The following EFCAB6 variants were observed in gnomAD, a reference collection of about 807,000 sequenced individuals.
EFCAB6 encodes the protein EF-hand calcium-binding domain-containing protein 6.
Under a neutral mutation model 169.8 loss-of-function variants are expected in EFCAB6, and 156 were observed. That is an observed-to-expected ratio of 0.92 (90% CI 0.81 to 1.05). The LOEUF is 1.05. EFCAB6 is among the 50% of genes least tolerant of loss of function. The pLI, the probability that EFCAB6 is intolerant of heterozygous loss-of-function variation, is 0.00. For synonymous variants in EFCAB6, 698 were observed against 676.4 expected, an observed-to-expected ratio of 1.03 and a Z score of -0.50; for missense variants, 1,800 against 1,829.1, an observed-to-expected ratio of 0.98 and a Z score of 0.29.
At chr22:43,749,519 T>A (rs1161869586) in intron 6 of EFCAB6, among the ~76,000 whole-genome samples, 1 of 152,066 alleles carries the variant, frequency 6.6e-6, no homozygotes, top group African/African-American at 2.4e-5. Flanking sequence ...ACTAGTTAGA[T>A]GGTTCTCATA....
In EFCAB6 at chr22:43,635,165, T is replaced by C. The variant is rs2055292986; in HGVS notation, c.2035A>G (p.Thr679Ala). Residue 679 changes from threonine (T) to alanine (A), a missense_variant, in exon 18 of 32, where the codon ACC (threonine) becomes GCC (alanine). Physicochemically the swap from Thr to Ala is moderately conservative, Grantham distance 58. Transcript: ENST00000262726. ...PMDDDQYALL[T>A]TKIGFEKEGM... ...TCCTTCTCGAAGCCTATTTTAGTGGTCAGCAGGGCATACTGATCATCGTCC... is the reference window on the plus strand; with the variant it reads ...TCCTTCTCGAAGCCTATTTTAGTGGCCAGCAGGGCATACTGATCATCGTCC... The C allele has an allele frequency of 8.1e-6, 13 of 1,613,946 alleles. No individual in the cohort carries two copies. Among genetic ancestry groups the C allele is most frequent in the Non-Finnish European group, 7.6e-6 (9 of 1,180,022 alleles).
At chr22:43,622,440 C>T (rs548440111) in intron 20 of EFCAB6, among the ~76,000 whole-genome samples, 135 of 152,146 alleles carry the variant, frequency 8.9e-4, no homozygotes, top group African/African-American at 3.0e-3. Flanking sequence ...GTGGTGTGCA[C>T]CTGTAGTTCC....
intron 19 of EFCAB6, 132 bp downstream of exon 19, chr22:43,631,973 G>A: frequency 7.5e-7 from 1 of 1,330,252 alleles, no homozygotes; most frequent in Non-Finnish European, 1.0e-6. Flanking sequence ...TGCTGGGTCT[G>A]CAGAGGGAAA....
At chr22:43,661,059 C>T (rs1438064694) in intron 17 of EFCAB6, among the ~76,000 whole-genome samples, 1 of 152,130 alleles carries the variant, frequency 6.6e-6, no homozygotes, top group South Asian at 2.1e-4. Context: ...TTGATATTTA[C>T]GTTAAATAAC....
chr22:43,696,971 C>T (rs567719407), intron 10 of EFCAB6, among the ~76,000 whole-genome samples: 73 of 152,136 alleles, frequency 4.8e-4, no homozygotes, highest in Middle Eastern at 3.4e-3. Context: ...AATTTTTAGA[C>T]ATAGAAAATG....
chr22:43,631,583 T>C (rs1160327729), intron 19 of EFCAB6, among the ~76,000 whole-genome samples: 1 of 151,980 alleles, frequency 6.6e-6, no homozygotes, highest in Non-Finnish European at 1.5e-5. Flanking sequence ...ATCTTTTCCT[T>C]GTGCCTCCAG....
intron 26 of EFCAB6, among the ~76,000 whole-genome samples, chr22:43,571,463 A>G (rs950372621): frequency 2.0e-5 from 3 of 152,198 alleles, no homozygotes; most frequent in Non-Finnish European, 4.4e-5. Context: ...CTTAAGGATG[A>G]TGCATTAACT....
chr22:43,554,462 C>T (rs79876709), intron 27 of EFCAB6: 2,805 of 178,720 alleles, frequency 0.016, 42 homozygotes, highest in Middle Eastern at 0.031. Flanking sequence ...TATTTTCATA[C>T]TTTTTCTAAT....
In EFCAB6 at chr22:43,766,316, AGCCACCACACCTGG is replaced by A. The variant is rs367550909; in HGVS notation, c.352-937_352-924del. On this transcript the variant is annotated intron_variant, in intron 4 of 31. Coordinates refer to ENST00000262726, the MANE Select transcript of EFCAB6 (RefSeq NM_022785.4). ...CCAAAGTACTGGGATTACAGGCATGAGCCACCACACCTGGCCCCCCTCAAGTGTTTTTAAATATA... is the reference window on the plus strand; with the variant it reads ...CCAAAGTACTGGGATTACAGGCATGACCCCCCTCAAGTGTTTTTAAATATA... Among the ~76,000 whole-genome samples the A allele has an allele frequency of 1.1e-3, 160 of 151,982 alleles. 1 individual carries two copies. Among genetic ancestry groups the A allele is most frequent in the African/African-American group, 3.6e-3 (151 of 41,470 alleles).
In EFCAB6 at chr22:43,789,613, T is replaced by C. The variant is rs558080222; in HGVS notation, c.-7-7288A>G. On this transcript the variant is annotated intron_variant, in intron 2 of 31. Coordinates refer to ENST00000262726, the MANE Select transcript of EFCAB6 (RefSeq NM_022785.4). ...TGTGCTCCTACTGCAGCAGACCTAA[T>C]GCTCAGCGGTCACGACACTGTTACA... Among the ~76,000 whole-genome samples, 19 of 152,312 alleles carry C rather than the reference T, an allele frequency of 1.2e-4. No individual in the cohort carries two copies. The East Asian group carries it at 3.3e-3, about 26-fold the overall frequency.
At chr22:43,682,754 C>T (rs747756300) in intron 12 of EFCAB6, among the ~76,000 whole-genome samples, 2 of 152,182 alleles carry the variant, frequency 1.3e-5, no homozygotes, top group Non-Finnish European at 2.9e-5. Flanking sequence ...GTGTATATAT[C>T]GCCGAATCAT....
At chr22:43,541,524 G>C (rs2047722797) in intron 27 of EFCAB6, among the ~76,000 whole-genome samples, 3 of 152,240 alleles carry the variant, frequency 2.0e-5, no homozygotes, top group South Asian at 4.1e-4. Flanking sequence ...CATGGGCACA[G>C]TGCGGGTGCG....
chr22:43,768,129 T>C (rs2061372742), intron 4 of EFCAB6, among the ~76,000 whole-genome samples: 1 of 152,242 alleles, frequency 6.6e-6, no homozygotes, highest in African/African-American at 2.4e-5. Flanking sequence ...ATTCAACTTC[T>C]TTTAAATGGC....
chr22:43,760,203 C>CAAA (rs371022953), intron 5 of EFCAB6, among the ~76,000 whole-genome samples: 4 of 104,550 alleles, frequency 3.8e-5, no homozygotes, highest in African/African-American at 7.1e-5. Context: ...GACTCTGTCT[C>CAAA]AAAAAAAAAA....
intron 7 of EFCAB6, among the ~76,000 whole-genome samples, chr22:43,733,203 G>T (rs1301498837): frequency 6.6e-6 from 1 of 152,186 alleles, no homozygotes; most frequent in Non-Finnish European, 1.5e-5. Context: ...TTGTGAAAAT[G>T]AGGTGGTAAG....
At chr22:43,626,248 G>C (rs2054510539) in intron 20 of EFCAB6, among the ~76,000 whole-genome samples, 199 bp downstream of exon 20, 3 of 152,156 alleles carry the variant, frequency 2.0e-5, no homozygotes, top group Admixed American at 1.3e-4. Context: ...GATGCTCACA[G>C]GTGGTAAGAC....
chr22:43,639,488 C>T lies in EFCAB6; in HGVS notation c.1984-4272G>A, dbSNP rs902476432. ...ATGTTACTGTTCCACTATCTTCTCACCTCCTCCATTGTTTCTGGTGTGAGG... is the reference window on the plus strand; with the variant it reads ...ATGTTACTGTTCCACTATCTTCTCATCTCCTCCATTGTTTCTGGTGTGAGG... On this transcript the variant is annotated intron_variant, in intron 17 of 31. Coordinates refer to ENST00000262726, the MANE Select transcript of EFCAB6 (RefSeq NM_022785.4). Among the ~76,000 whole-genome samples, 4 of 152,208 alleles carry T rather than the reference C, an allele frequency of 2.6e-5. No individual in the cohort carries two copies. In the South Asian group the frequency reaches 8.3e-4, roughly 32 times the overall value.
At chr22:43,676,583 A>G (rs1178830671) in intron 13 of EFCAB6, among the ~76,000 whole-genome samples, 4 of 152,152 alleles carry the variant, frequency 2.6e-5, no homozygotes, top group African/African-American at 9.7e-5. Flanking sequence ...GTAGTTTGGC[A>G]TATTTTCTAA....
At chr22:43,667,367 T>A in intron 16 of EFCAB6, 95 bp from the exon 17 acceptor site, 1 of 1,450,544 alleles carries the variant, frequency 6.9e-7, no homozygotes, top group Non-Finnish European at 9.3e-7. Context: ...CCCATGACAG[T>A]AAGAAGGTTT....
Sources: allele counts gnomAD v4.1 joint callset (sites outside exome capture counted in the v4.1 genomes callset), GRCh38; gene constraint gnomAD v4.1.1; transcripts MANE v1.5; gene names NCBI Gene and HGNC (gene_info 2026-07-23, HGNC 2026-07-21).